BACE2: variants seen among roughly 807,000 people sequenced by gnomAD.
BACE2 encodes beta-secretase 2, also known as 56 kDa aspartic-like protease.
Under a neutral mutation model 46.2 loss-of-function variants are expected in BACE2, and 17 were observed. The observed-to-expected ratio is 0.37, with a 90% CI of 0.25 to 0.55. The LOEUF is 0.55. Among genes scored for constraint, BACE2 ranks in the 20% least tolerant of loss-of-function variants. BACE2 has a pLI of 0.82. For synonymous variants in BACE2, 277 were observed against 295.9 expected, an observed-to-expected ratio of 0.94 and a Z score of 0.66; for missense variants, 595 against 698.1, an observed-to-expected ratio of 0.85 and a Z score of 1.66.
At chr21:41,169,828 C>T (rs1350711176) in intron 1 of BACE2, among the ~76,000 whole-genome samples, 1 of 152,144 alleles carries the variant, frequency 6.6e-6, no homozygotes, top group Non-Finnish European at 1.5e-5. Context: ...TGGGAAGCCA[C>T]GTGAGTGATC....
chr21:41,264,129 C>T (rs1320999862), intron 8 of BACE2, among the ~76,000 whole-genome samples: 2 of 152,042 alleles, frequency 1.3e-5, no homozygotes, highest in Non-Finnish European at 2.9e-5. Context: ...TACTATTTAA[C>T]ATATTCATTG....
At chr21:41,203,420 G>T (rs1986024054) in intron 1 of BACE2, among the ~76,000 whole-genome samples, 1 of 152,086 alleles carries the variant, frequency 6.6e-6, no homozygotes, top group Non-Finnish European at 1.5e-5. Flanking sequence ...CTTGTGTGCT[G>T]GAGGAACCCA....
At chr21:41,168,670 A>C in intron 1 of BACE2, 95 bp downstream of exon 1, 3 of 981,408 alleles carry the variant, frequency 3.1e-6, no homozygotes, top group Admixed American at 4.3e-5. Context: ...GTCGCCCCCA[A>C]AGCAGCAGCT....
At chr21:41,273,982 T>C (rs1437966284) in intron 8 of BACE2, among the ~76,000 whole-genome samples, 2 of 152,156 alleles carry the variant, frequency 1.3e-5, no homozygotes, top group Non-Finnish European at 2.9e-5. Flanking sequence ...ATATTTGGAG[T>C]TGGGGCCTTT....
At chr21:41,205,884 C>T (rs533083756) in intron 1 of BACE2, among the ~76,000 whole-genome samples, 47 of 152,250 alleles carry the variant, frequency 3.1e-4, no homozygotes, top group African/African-American at 1.1e-3. Flanking sequence ...CACATAGTAG[C>T]TGCTCACTTA....
chr21:41,185,700 AC>A (rs1985345618), intron 1 of BACE2, among the ~76,000 whole-genome samples: 1 of 152,192 alleles, frequency 6.6e-6, no homozygotes, highest in South Asian at 2.1e-4. Flanking sequence ...GATGCTGAGA[AC>A]CCAAAATGCC....
intron 1 of BACE2, chr21:41,180,281 C>A: frequency 5.7e-6 from 1 of 176,704 alleles, no homozygotes; most frequent in South Asian, 1.6e-4. Flanking sequence ...TCAGTTTGGT[C>A]TGAGTGCCTG....
intron 2 of BACE2, among the ~76,000 whole-genome samples, chr21:41,237,097 T>C (rs1057280568): frequency 4.6e-5 from 7 of 152,204 alleles, no homozygotes; most frequent in Non-Finnish European, 8.8e-5. Context: ...TTAGGATAGC[T>C]GCCTTGGACA....
At chr21:41,224,237 T>A (rs1372166602) in intron 1 of BACE2, among the ~76,000 whole-genome samples, 1 of 141,438 alleles carries the variant, frequency 7.1e-6, no homozygotes, top group East Asian at 2.0e-4. Context: ...TTTTTTGAGA[T>A]GGAGTATCGT....
intron 1 of BACE2, among the ~76,000 whole-genome samples, chr21:41,225,880 G>C (rs1398904540): frequency 6.6e-6 from 1 of 152,166 alleles, no homozygotes; most frequent in African/African-American, 2.4e-5. Flanking sequence ...TTCCAGGCGA[G>C]ATTTGGAAAA....
intron 2 of BACE2, among the ~76,000 whole-genome samples, chr21:41,237,132 G>A (rs1221557645): frequency 6.6e-6 from 1 of 152,122 alleles, no homozygotes; most frequent in Non-Finnish European, 1.5e-5. Context: ...TCATGGTTCG[G>A]GAACATGGAT....
At chr21:41,174,554 G>C (rs1410520223) in intron 1 of BACE2, among the ~76,000 whole-genome samples, 1 of 152,144 alleles carries the variant, frequency 6.6e-6, no homozygotes, top group Non-Finnish European at 1.5e-5. Context: ...AGCATGCCTT[G>C]GGATTTATGT....
intron 1 of BACE2, among the ~76,000 whole-genome samples, chr21:41,212,062 C>T (rs1367010363): frequency 6.6e-6 from 1 of 152,188 alleles, no homozygotes; most frequent in Admixed American, 6.5e-5. Context: ...GGATATTTGG[C>T]CTTCAGAAAG....
At chr21:41,224,469 G>T (rs937852324) in intron 1 of BACE2, among the ~76,000 whole-genome samples, 1 of 152,152 alleles carries the variant, frequency 6.6e-6, no homozygotes, top group South Asian at 2.1e-4. Flanking sequence ...GATTACAGGC[G>T]TGAGCCACTG....
chr21:41,227,572 G>T (rs1229829375), intron 2 of BACE2, among the ~76,000 whole-genome samples: 1 of 152,212 alleles, frequency 6.6e-6, no homozygotes, highest in Non-Finnish European at 1.5e-5. Flanking sequence ...TGCCATAAAT[G>T]ATGGGGCCTC....
At chr21:41,187,711 G>A (rs1337410068) in intron 1 of BACE2, among the ~76,000 whole-genome samples, 2 of 151,834 alleles carry the variant, frequency 1.3e-5, no homozygotes, top group African/African-American at 4.8e-5. Context: ...AATGGTTGGG[G>A]GGCAAAGGGT....
intron 1 of BACE2, among the ~76,000 whole-genome samples, chr21:41,201,577 G>T (rs1985969592): frequency 6.6e-6 from 1 of 152,228 alleles, no homozygotes; most frequent in African/African-American, 2.4e-5. Context: ...TTCAAAACCT[G>T]GCAGGCTCCT....
chr21:41,221,104 C>T (rs1011499320), intron 1 of BACE2, among the ~76,000 whole-genome samples: 1 of 151,494 alleles, frequency 6.6e-6, no homozygotes, highest in Admixed American at 6.6e-5. Flanking sequence ...CACTTCAAAC[C>T]TTCATCCCCC....
intron 1 of BACE2, among the ~76,000 whole-genome samples, chr21:41,207,763 T>C (rs918845012): frequency 1.2e-4 from 18 of 152,280 alleles, no homozygotes; most frequent in African/African-American, 4.3e-4. Context: ...GGAAGCTTGG[T>C]TGGAGTGAGG....
Sources: gnomAD v4.1 joint callset for allele counts (sites outside exome capture counted in the v4.1 genomes callset) on GRCh38, gnomAD v4.1.1 for gene constraint, MANE v1.5 for transcripts, NCBI Gene and HGNC (gene_info 2026-07-23, HGNC 2026-07-21) for gene names.